Variants in POU6F2 observed in about 807,000 individuals in gnomAD.
POU6F2 encodes POU class 6 homeobox 2.
POU6F2 carries 31 observed loss-of-function variants against 71.3 expected under a neutral mutation model. That is an observed-to-expected ratio of 0.43 (90% CI 0.33 to 0.59). The LOEUF (loss-of-function observed/expected upper bound fraction) is 0.59. Among genes scored for constraint, POU6F2 ranks in the 20% least tolerant of loss-of-function variants. POU6F2 has a pLI of 0.04. For missense variants in POU6F2, 783 were observed against 856.8 expected, an observed-to-expected ratio of 0.91 and a Z score of 1.07; for synonymous variants, 347 against 355.7, an observed-to-expected ratio of 0.98 and a Z score of 0.27.
rs766872342 is a variant in POU6F2 at position 39,339,806 on chromosome 7, C to G, written c.763C>G (p.Gln255Glu). 1.3e-6 allele frequency: 2 copies of G among 1,571,680 alleles called. No homozygotes were observed. The highest frequency in any genetic ancestry group is 2.7e-5 in the African/African-American group (2 of 73,554). The change falls in exon 5 of 10, where the codon CAG becomes GAG. Residue 255 changes from glutamine (Q) to glutamate (E), a missense_variant. Gln to Glu is a conservative substitution (Grantham distance 29, BLOSUM62 2). This residue lies in a region of POU6F2 where 572 missense variants were observed against 572.9 expected (regional missense o/e 1.00). Coordinates refer to ENST00000518318, the MANE Select transcript of POU6F2 (RefSeq NM_001370959.1). Reference protein sequence around the residue: ...QQQPLQPTPPQQPPPASQQPP... With the variant: ...QQQPLQPTPPEQPPPASQQPP... ...GCAGCCGCTGCAGCCCACCCCACCC[C>G]AGCAGCCACCACCCGCCTCTCAGCA...
chr7:39,317,335 G>A (rs560875993), intron 4 of POU6F2, among the ~76,000 whole-genome samples: 1 of 152,272 alleles, frequency 6.6e-6, no homozygotes, highest in East Asian at 1.9e-4. Context: ...ACACCCAGAG[G>A]GAGCTGTGTC....
At chr7:39,356,364 G>A (rs1450945088) in intron 5 of POU6F2, among the ~76,000 whole-genome samples, 2 of 152,026 alleles carry the variant, frequency 1.3e-5, no homozygotes, top group Non-Finnish European at 2.9e-5. Flanking sequence ...GGAATGTCCC[G>A]TCTTCTCATC....
rs536585769 is a variant in POU6F2, at chr7:39,422,565, T to C, written c.1114-10512T>C. 1.4e-4 allele frequency among the ~76,000 whole-genome samples: 21 copies of C among 152,316 alleles called. No individual in the cohort carries two copies. In the South Asian group the frequency reaches 4.4e-3, roughly 32 times the overall value. On this transcript the variant is annotated intron_variant, in intron 6 of 9. Transcript: ENST00000518318. ...TTGGGAGCGTGATGGAGCTGTGCCA[T>C]TGTTTACAAGTAAGAAATGCATAGG...
At position 39,339,970 on chromosome 7, in the gene POU6F2, A is replaced by G. The variant is rs747971887; in HGVS notation, c.927A>G (p.Pro309=). Residue 309 remains proline, a synonymous_variant, in exon 5 of 10, where the codon CCA becomes CCG. Transcript: ENST00000518318. ...SSPPQKPSQS[P]GHGLPSPLTP... ...CCCCGCAGAAACCTAGTCAGTCTCC[A>G]GGACATGGCCTGCCTTCACCGCTCA... The G allele has an allele frequency of 6.2e-7, 1 of 1,613,684 alleles. No individual in the cohort carries two copies. The highest frequency in any genetic ancestry group is 8.5e-7 in the Non-Finnish European group (1 of 1,179,672).
Position 39,238,847 on chromosome 7 carries a change from G to C in POU6F2, c.598+31227G>C, listed in dbSNP as rs562790822. Among the ~76,000 whole-genome samples, 9 of 152,316 alleles carry C rather than the reference G, an allele frequency of 5.9e-5. No individual in the cohort carries two copies. In the South Asian group the frequency reaches 1.9e-3, roughly 32 times the overall value. ...GTGGTGTAGTATTTGTGCAGTCAAAGAGTACAGTAATAAAAAGAATGAGCT... is the reference window on the plus strand; with the variant it reads ...GTGGTGTAGTATTTGTGCAGTCAAACAGTACAGTAATAAAAAGAATGAGCT... On this transcript the variant is annotated intron_variant, in intron 4 of 9. Coordinates refer to ENST00000518318, the MANE Select transcript of POU6F2 (RefSeq NM_001370959.1).
intron 2 of POU6F2, among the ~76,000 whole-genome samples, chr7:39,146,048 T>C (rs1208756503): frequency 6.6e-6 from 1 of 152,216 alleles, no homozygotes; most frequent in African/African-American, 2.4e-5. Context: ...AGCTGAACAC[T>C]TCTCTTGCAT....
chr7:39,293,603 A>G (rs767814082), intron 4 of POU6F2, among the ~76,000 whole-genome samples: 14 of 152,150 alleles, frequency 9.2e-5, no homozygotes, highest in Non-Finnish European at 1.3e-4. Context: ...ACTTCCTGTT[A>G]AGGATGGGTG....
chr7:39,389,519 T>C (rs1192372105), intron 5 of POU6F2, among the ~76,000 whole-genome samples: 3 of 152,188 alleles, frequency 2.0e-5, no homozygotes, highest in Non-Finnish European at 2.9e-5. Flanking sequence ...GGATAGCAAT[T>C]GATCTGTAGG....
rs761305131 is a variant in POU6F2 at position 39,451,618 on chromosome 7, C to T, written c.1406C>T (p.Ser469Phe). ...CTGGCTCACAGCCAAGCATCCATGT[C>T]TCAAAGTCCCGTCCGGCAGGCTTCC... ...LHLAHSQASM[S>F]QSPVRQASSS... Residue 469 changes from serine to phenylalanine, a missense_variant, in exon 8 of 10, where the codon TCT becomes TTT. Around this residue, in one of 2 missense-constraint regions of POU6F2, gnomAD observed 572 missense variants for 572.9 expected, o/e 1.00. Transcript: ENST00000518318. 26 of 1,613,708 alleles carry T rather than the reference C, an allele frequency of 1.6e-5. No individual in the cohort carries two copies. The highest frequency in any genetic ancestry group is 1.9e-5 in the Non-Finnish European group (23 of 1,179,758).
chr7:39,145,930 G>A lies in POU6F2; in HGVS notation c.278-58305G>A, dbSNP rs189546765. On this transcript the variant is annotated intron_variant, in intron 2 of 9. Transcript: ENST00000518318. ...CAAGGAAAACTGCAATTTAAAATAG[G>A]TAGAGGAGGAAATTACAAAGAGAAA... Among the ~76,000 whole-genome samples, 15 of 152,292 alleles carry A rather than the reference G, an allele frequency of 9.8e-5. 1 individual carries two copies. Among genetic ancestry groups the A allele is most frequent in the Non-Finnish European group, 1.8e-4 (12 of 68,024 alleles).
chr7:39,418,909 G>GTA lies in POU6F2; in HGVS notation c.1113+12179_1113+12180dup, dbSNP rs200767204. Among the ~76,000 whole-genome samples the GTA allele has an allele frequency of 3.2e-4, 45 of 138,876 alleles. 2 individuals are homozygous for GTA. Among genetic ancestry groups the GTA allele is most frequent in the East Asian group, 1.0e-3 (4 of 3,850 alleles). The allele number at this position is 138,876 out of a possible 152,430, so 91.1% of individuals were successfully genotyped here. A position where few individuals can be genotyped will look rare whatever the true frequency, so the allele number is the denominator to read the frequency against. Reference sequence around the variant, plus strand: ...GTGCTCTCTTCATGTGTGTGTGTGTGTATATATATATGTATATATGTATAT... The same window carrying GTA: ...GTGCTCTCTTCATGTGTGTGTGTGTGTATATATATATATGTATATATGTATAT... On this transcript the variant is annotated intron_variant, in intron 6 of 9. Coordinates refer to ENST00000518318, the MANE Select transcript of POU6F2 (RefSeq NM_001370959.1).
In POU6F2 at chr7:39,311,898, A is replaced by G. The variant is rs142512157; in HGVS notation, c.599-27744A>G. 3.0e-3 allele frequency among the ~76,000 whole-genome samples: 462 copies of G among 152,354 alleles called. 2 individuals are homozygous for G. Among genetic ancestry groups the G allele is most frequent in the African/African-American group, 0.011 (444 of 41,582 alleles). ...ACAAGACCTCAAAGAGGTAATGGCA[A>G]CATTGAATGAAACTTCTAAAGAAAG... On this transcript the variant is annotated intron_variant, in intron 4 of 9. Coordinates refer to ENST00000518318, the MANE Select transcript of POU6F2 (RefSeq NM_001370959.1).
chr7:39,418,730 T>C (rs1297162892), intron 6 of POU6F2, among the ~76,000 whole-genome samples: 5 of 150,710 alleles, frequency 3.3e-5, no homozygotes, highest in African/African-American at 1.2e-4. Flanking sequence ...TAACCAACTT[T>C]CCAGAGCCAT....
intron 1 of POU6F2, chr7:39,006,824 T>C: frequency 1.2e-6 from 2 of 1,613,186 alleles, no homozygotes; most frequent in Non-Finnish European, 1.7e-6. Flanking sequence ...AGAATGTTCT[T>C]ATAATGATCC....
At chr7:39,221,597 A>T (rs1794362799) in intron 4 of POU6F2, among the ~76,000 whole-genome samples, 1 of 151,978 alleles carries the variant, frequency 6.6e-6, no homozygotes, top group African/African-American at 2.4e-5. Flanking sequence ...CATGTTGGCC[A>T]GGCTGGTCTC....
At chr7:39,452,611 C>T (rs1418343011) in intron 8 of POU6F2, among the ~76,000 whole-genome samples, 1 of 152,206 alleles carries the variant, frequency 6.6e-6, no homozygotes, top group African/African-American at 2.4e-5. Flanking sequence ...AGGATCCTCA[C>T]ATATCATGGG....
chr7:39,353,642 G>A (rs1786190252), intron 5 of POU6F2, among the ~76,000 whole-genome samples: 1 of 152,114 alleles, frequency 6.6e-6, no homozygotes, highest in Non-Finnish European at 1.5e-5. Context: ...TTCTTTTCCT[G>A]CCTGGGACGT....
At chr7:39,368,671 G>T (rs1786552518) in intron 5 of POU6F2, among the ~76,000 whole-genome samples, 1 of 152,140 alleles carries the variant, frequency 6.6e-6, no homozygotes, top group African/African-American at 2.4e-5. Flanking sequence ...CAAAAGACAG[G>T]CTGACTCTCC....
rs142735943 is a variant in POU6F2 at position 39,420,320 on chromosome 7, C to T, written c.1114-12757C>T. On this transcript the variant is annotated intron_variant, in intron 6 of 9. Transcript: ENST00000518318. Reference sequence around the variant, plus strand: ...ATGTTTATGTTTAAAAGGTGATACACAAATTCCTTAAATGAACACAAAAGG... The same window carrying T: ...ATGTTTATGTTTAAAAGGTGATACATAAATTCCTTAAATGAACACAAAAGG... Among the ~76,000 whole-genome samples the T allele has an allele frequency of 2.4e-3, 364 of 152,310 alleles. 4 individuals are homozygous for T. Among genetic ancestry groups the T allele is most frequent in the African/African-American group, 7.9e-3 (329 of 41,576 alleles).
Sources: gnomAD v4.1 joint callset for allele counts (sites outside exome capture counted in the v4.1 genomes callset) on GRCh38, gnomAD v4.1.1 for gene constraint, gnomAD v4.1.1 regional missense constraint, MANE v1.5 for transcripts, NCBI Gene and HGNC (gene_info 2026-07-23, HGNC 2026-07-21) for gene names.